DACH1: variants seen among roughly 807,000 people sequenced by gnomAD.
DACH1 encodes dachshund family transcription factor 1.
Under a neutral mutation model 54.2 loss-of-function variants are expected in DACH1, and 12 were observed. That is an observed-to-expected ratio of 0.22 (90% CI 0.14 to 0.36). DACH1 has a LOEUF of 0.36. Ranked by LOEUF, DACH1 falls within the 10% of genes least tolerant of loss-of-function variation. The probability of loss-of-function intolerance (pLI) is 1.00; values close to 1 mark genes in which losing one functional copy is unlikely to be tolerated. For missense variants in DACH1, 805 were observed against 929.8 expected (o/e 0.87, Z 1.75); for synonymous variants, 386 against 366.2 (o/e 1.05, Z -0.62).
chr13:71,760,776 C>T (rs927441140), intron 1 of DACH1, among the ~76,000 whole-genome samples: 2 of 151,804 alleles, frequency 1.3e-5, no homozygotes, highest in African/African-American at 2.4e-5. Flanking sequence ...TGTCTTTTTT[C>T]TCTCTCTCTT....
At chr13:71,630,460 T>G in intron 3 of DACH1, 96 bp downstream of exon 3, 1 of 1,436,708 alleles carries the variant, frequency 7.0e-7, no homozygotes, top group Non-Finnish European at 9.1e-7. Flanking sequence ...GTGCCAACTT[T>G]TTGAATGGGT....
At chr13:71,564,841 A>AT (rs943869116) in intron 4 of DACH1, among the ~76,000 whole-genome samples, 2 of 151,830 alleles carry the variant, frequency 1.3e-5, no homozygotes, top group African/African-American at 2.4e-5. Flanking sequence ...AATTCTCTTC[A>AT]TTTTTTGTTT....
chr13:71,656,330 G>C (rs1441797032), intron 2 of DACH1, among the ~76,000 whole-genome samples: 6 of 152,052 alleles, frequency 3.9e-5, no homozygotes, highest in African/African-American at 1.4e-4. Context: ...GTAACTCTCA[G>C]CTTCTATTTA....
At chr13:71,847,512 T>C (rs534065229) in intron 1 of DACH1, among the ~76,000 whole-genome samples, 1 of 152,340 alleles carries the variant, frequency 6.6e-6, no homozygotes, top group East Asian at 1.9e-4. Flanking sequence ...ATTCAAGTTA[T>C]AAAGTCTATT....
chr13:71,574,956 A>T (rs1457921027), intron 3 of DACH1, among the ~76,000 whole-genome samples: 5 of 152,048 alleles, frequency 3.3e-5, no homozygotes, highest in Non-Finnish European at 2.9e-5. Flanking sequence ...TACTAGTCAA[A>T]CACGCAAGCA....
chr13:71,495,014 G>C (rs549156497), intron 6 of DACH1, among the ~76,000 whole-genome samples: 3 of 151,978 alleles, frequency 2.0e-5, no homozygotes, highest in Non-Finnish European at 4.4e-5. Flanking sequence ...ATCTAACTCA[G>C]TTGTTATTTT....
chr13:71,654,153 G>A (rs1878881092), intron 2 of DACH1, among the ~76,000 whole-genome samples: 1 of 151,988 alleles, frequency 6.6e-6, no homozygotes, highest in Non-Finnish European at 1.5e-5. Flanking sequence ...CACTTTGGGA[G>A]GCTGAGGCGG....
intron 1 of DACH1, among the ~76,000 whole-genome samples, chr13:71,809,464 C>T (rs1026110249): frequency 6.6e-6 from 1 of 152,138 alleles, no homozygotes; most frequent in Admixed American, 6.5e-5. Flanking sequence ...AGCCACCATG[C>T]CCAGCCTAGA....
chr13:71,614,509 C>T (rs1875604976), intron 3 of DACH1, among the ~76,000 whole-genome samples: 1 of 152,004 alleles, frequency 6.6e-6, no homozygotes, highest in African/African-American at 2.4e-5. Context: ...GGAAAAGTGA[C>T]ACCAAGGCTA....
intron 3 of DACH1, among the ~76,000 whole-genome samples, chr13:71,574,895 T>G (rs1885436529): frequency 6.6e-6 from 1 of 152,072 alleles, no homozygotes; most frequent in South Asian, 2.1e-4. Flanking sequence ...TATTCACAAA[T>G]TTATACACCT....
chr13:71,476,131 A>T (rs986105552), intron 8 of DACH1, among the ~76,000 whole-genome samples: 201 of 152,266 alleles, frequency 1.3e-3, no homozygotes, highest in African/African-American at 4.8e-3. Context: ...AATTTTAGTA[A>T]ATGTTTGTAT....
chr13:71,636,081 C>T (rs1456140716), intron 2 of DACH1, among the ~76,000 whole-genome samples: 1 of 151,932 alleles, frequency 6.6e-6, no homozygotes, highest in African/African-American at 2.4e-5. Context: ...ACTGCGCCCA[C>T]CCTGCTTTTA....
chr13:71,460,570 A>G (rs1264435774), intron 10 of DACH1, among the ~76,000 whole-genome samples: 1 of 151,830 alleles, frequency 6.6e-6, no homozygotes, highest in Non-Finnish European at 1.5e-5. Flanking sequence ...TTTGGGCTTG[A>G]CACGGTTGTC....
At chr13:71,467,481 T>C (rs1445391899) in intron 10 of DACH1, among the ~76,000 whole-genome samples, 2 of 151,106 alleles carry the variant, frequency 1.3e-5, no homozygotes, top group African/African-American at 2.4e-5. Context: ...ACATGTACCC[T>C]AAAATTTAAA....
chr13:71,707,027 A>G (rs1882483573), intron 1 of DACH1, among the ~76,000 whole-genome samples: 1 of 152,228 alleles, frequency 6.6e-6, no homozygotes, highest in Admixed American at 6.5e-5. Flanking sequence ...TATTTCCCAT[A>G]GTCATCTTCA....
At chr13:71,756,906 T>C (rs1392309546) in intron 1 of DACH1, among the ~76,000 whole-genome samples, 1 of 152,162 alleles carries the variant, frequency 6.6e-6, no homozygotes, top group Non-Finnish European at 1.5e-5. Flanking sequence ...TGGATGTTGT[T>C]CACTTGTGAG....
chr13:71,561,433 T>C (rs1884576283), intron 4 of DACH1, among the ~76,000 whole-genome samples: 2 of 152,264 alleles, frequency 1.3e-5, no homozygotes, highest in African/African-American at 4.8e-5. Flanking sequence ...GATGTGAAGA[T>C]AGGAGGGAAG....
chr13:71,485,572 C>CTTTTTT (rs1878424430), intron 7 of DACH1, among the ~76,000 whole-genome samples: 1 of 84,196 alleles, frequency 1.2e-5, no homozygotes, highest in Non-Finnish European at 2.5e-5. Flanking sequence ...CTTTTCTTTT[C>CTTTTTT]TTCTTTTTTT....
intron 6 of DACH1, among the ~76,000 whole-genome samples, chr13:71,489,524 G>C (rs1401431568): frequency 1.3e-5 from 2 of 151,964 alleles, no homozygotes; most frequent in Non-Finnish European, 2.9e-5. Flanking sequence ...AGTATTTCTA[G>C]AGCTCCATAT....
Sources: gnomAD v4.1 joint callset for allele counts (sites outside exome capture counted in the v4.1 genomes callset) on GRCh38, gnomAD v4.1.1 for gene constraint, MANE v1.5 for transcripts, NCBI Gene and HGNC (gene_info 2026-07-23, HGNC 2026-07-21) for gene names.